The following PDHX variants were observed in gnomAD, a reference collection of about 807,000 sequenced individuals.
PDHX encodes pyruvate dehydrogenase protein X component, mitochondrial.
In PDHX, 33 loss-of-function variants were observed where a neutral mutation model predicts 55.3. The observed-to-expected ratio is 0.60, with a 90% CI of 0.45 to 0.80. The LOEUF (loss-of-function observed/expected upper bound fraction) is 0.80, where lower values mean the gene tolerates loss of function less well. PDHX is among the 30% of genes least tolerant of loss of function. PDHX has a pLI of 0.00. For synonymous variants in PDHX, 226 were observed against 219.4 expected, an observed-to-expected ratio of 1.03 and a Z score of -0.27; for missense variants, 622 against 619.9, an observed-to-expected ratio of 1.00 and a Z score of -0.04.
At position 34,947,603 on chromosome 11, in the gene PDHX, C is replaced by T. The variant is rs34582941; in HGVS notation, c.339C>T (p.Ile113=). ...GTGATGATGGAATCTTGGCCAAAAT[C>T]GTGGTAAGTTTTTATTTTAATTTTC... ...DASDDGILAK[I]VVEEGSKNIR... The change falls in exon 3 of 11, where the codon ATC becomes ATT. Residue 113 remains isoleucine (I), a synonymous_variant. Transcript: ENST00000227868. 15,085 of 1,596,652 alleles carry T rather than the reference C, an allele frequency of 9.4e-3. 1,076 individuals carry two copies. The African/African-American group carries it at 0.17, about 18-fold the overall frequency.
intron 3 of PDHX, among the ~76,000 whole-genome samples, chr11:34,951,161 A>G (rs1485144509): frequency 1.4e-5 from 2 of 141,808 alleles, no homozygotes; most frequent in African/African-American, 5.4e-5. Flanking sequence ...GGTTCACGCC[A>G]TTCTCCTGCC....
intron 7 of PDHX, among the ~76,000 whole-genome samples, chr11:34,972,395 A>AT (rs35664323): frequency 0.1 from 14,647 of 145,820 alleles, 1,510 homozygotes; most frequent in African/African-American, 0.27. Flanking sequence ...ACAAATGTTG[A>AT]TTTTTTTTTT....
intron 1 of PDHX, among the ~76,000 whole-genome samples, chr11:34,918,006 G>A (rs976918795): frequency 6.6e-6 from 1 of 152,148 alleles, no homozygotes; most frequent in Non-Finnish European, 1.5e-5. Flanking sequence ...CACTGCCTTA[G>A]AAAATCATGG....
At chr11:34,959,243 A>G (rs1308218597) in intron 4 of PDHX, among the ~76,000 whole-genome samples, 5 of 152,142 alleles carry the variant, frequency 3.3e-5, no homozygotes, top group African/African-American at 4.8e-5. Context: ...CAACCCAATT[A>G]AAAAACAGGT....
At chr11:34,982,064 G>T (rs560689589) in intron 8 of PDHX, among the ~76,000 whole-genome samples, 55 of 152,314 alleles carry the variant, frequency 3.6e-4, no homozygotes, top group African/African-American at 1.3e-3. Context: ...TTTTAGACAT[G>T]AAGTCCTTGC....
rs1854932098 is a variant in PDHX, at chr11:34,957,530, A to G, written c.489A>G (p.Pro163=). ...AACCTTCAGAGCCTCGCCCCTCACC[A>G]GAACCACAGATTTCCATCCCTGTCA... is the stretch of plus-strand genomic sequence containing the variant. ...VSKPSEPRPS[P]EPQISIPVKK... The change falls in exon 4 of 11, where the codon CCA becomes CCG. Residue 163 remains proline, a synonymous_variant. Transcript: ENST00000227868. The G allele has an allele frequency of 1.2e-6, 2 of 1,614,148 alleles. No individual in the cohort carries two copies. The highest frequency in any genetic ancestry group is 2.2e-5 in the South Asian group (2 of 91,076).
At chr11:34,977,954 AAT>A (rs1315262115) in intron 7 of PDHX, 168 bp from the exon 8 acceptor site, 2 of 609,346 alleles carry the variant, frequency 3.3e-6, no homozygotes, top group Non-Finnish European at 6.0e-6. Context: ...GACCTCATAT[AAT>A]GCAAGTTTTT....
chr11:34,936,853 G>A lies in PDHX; in HGVS notation c.241+5369G>A, dbSNP rs112247084. ...CACCCAGGCTGTAGTGCAGTGGCCC[G>A]ATCTTGCTCACTGCAACCTCCACCT... On this transcript the variant is annotated intron_variant, in intron 2 of 10. Transcript: ENST00000227868. 2.8e-3 allele frequency among the ~76,000 whole-genome samples: 377 copies of A among 134,414 alleles called. 2 individuals carry two copies. The highest frequency in any genetic ancestry group is 0.01 in the African/African-American group (355 of 35,196). The allele number at this position is 134,414 out of a possible 152,430, so 88.2% of individuals were successfully genotyped here. A position where few individuals can be genotyped will look rare whatever the true frequency, so the allele number is the denominator to read the frequency against.
At chr11:34,936,065 G>T (rs1342039776) in intron 2 of PDHX, among the ~76,000 whole-genome samples, 1 of 152,182 alleles carries the variant, frequency 6.6e-6, no homozygotes, top group Non-Finnish European at 1.5e-5. Context: ...GACAGATGTG[G>T]GGATCAGGAA....
intron 1 of PDHX, among the ~76,000 whole-genome samples, chr11:34,917,969 A>G (rs11605600): frequency 0.22 from 33,801 of 152,116 alleles, 4,921 homozygotes; most frequent in Non-Finnish European, 0.34. Context: ...TTTTATTTTG[A>G]CATTTAATGG....
In PDHX at chr11:34,966,766, C is replaced by T. The variant is rs1855142202; in HGVS notation, c.768C>T (p.Pro256=). The T allele has an allele frequency of 6.2e-7, 1 of 1,614,136 alleles. No homozygotes were observed. The highest frequency in any genetic ancestry group is 8.5e-7 in the Non-Finnish European group (1 of 1,180,004). ...PLQATAGPSY[P]RPVIPPVSTP... is the part of the protein sequence containing the mutation. ...AGGCCACAGCTGGACCATCTTATCC[C>T]CGGCCTGTGATCCCACCAGTATCAA... Residue 256 remains proline, a synonymous_variant, in exon 6 of 11, where the codon CCC becomes CCT. Transcript: ENST00000227868.
chr11:34,952,407 G>C (rs1375416530), intron 3 of PDHX, among the ~76,000 whole-genome samples: 2 of 151,894 alleles, frequency 1.3e-5, no homozygotes, highest in South Asian at 4.2e-4. Context: ...TTTTAGACCA[G>C]TATCCTTGGT....
intron 2 of PDHX, among the ~76,000 whole-genome samples, chr11:34,938,708 G>A (rs1461841607): frequency 6.6e-6 from 1 of 152,164 alleles, no homozygotes; most frequent in African/African-American, 2.4e-5. Context: ...CAGACTTCCA[G>A]CTCACTGGCA....
At chr11:34,987,342 G>A (rs961399931) in intron 9 of PDHX, among the ~76,000 whole-genome samples, 2 of 152,132 alleles carry the variant, frequency 1.3e-5, no homozygotes, top group African/African-American at 4.8e-5. Flanking sequence ...ATAACAACCT[G>A]ATGAATATAA....
intron 1 of PDHX, among the ~76,000 whole-genome samples, chr11:34,924,848 CTT>C (rs2133940526): frequency 6.6e-6 from 1 of 152,278 alleles, no homozygotes; most frequent in African/African-American, 2.4e-5. Flanking sequence ...AGTTTTGTCT[CTT>C]AACTTTCTTC....
chr11:34,933,486 A>C (rs779781774), intron 2 of PDHX, among the ~76,000 whole-genome samples: 2 of 152,208 alleles, frequency 1.3e-5, no homozygotes, highest in Non-Finnish European at 2.9e-5. Context: ...TGGTTAAGAT[A>C]ATATCATTGG....
chr11:34,977,202 A>G (rs1411329321), intron 7 of PDHX, among the ~76,000 whole-genome samples: 1 of 152,078 alleles, frequency 6.6e-6, no homozygotes, highest in African/African-American at 2.4e-5. Context: ...AAATTCCGTG[A>G]TACTTTAGTA....
intron 8 of PDHX, among the ~76,000 whole-genome samples, chr11:34,979,877 TG>T: frequency 6.6e-6 from 1 of 152,134 alleles, no homozygotes; most frequent in South Asian, 2.1e-4. Context: ...TAAATGAATT[TG>T]GATTATTTCT....
At chr11:34,960,355 T>G in intron 4 of PDHX, 65 bp from the exon 5 acceptor site, 3 of 1,056,926 alleles carry the variant, frequency 2.8e-6, no homozygotes, top group Non-Finnish European at 4.4e-6. Flanking sequence ...CTGTTGACAT[T>G]TAGATCTATT....
Sources: gnomAD v4.1 joint callset for allele counts (sites outside exome capture counted in the v4.1 genomes callset) on GRCh38, gnomAD v4.1.1 for gene constraint, MANE v1.5 for transcripts, NCBI Gene and HGNC (gene_info 2026-07-23, HGNC 2026-07-21) for gene names.